The following FREM2 variants were observed in gnomAD, a reference collection of about 807,000 sequenced individuals.
FREM2 encodes FRAS1 related extracellular matrix 2.
A neutral mutation model predicts 219.9 loss-of-function variants in FREM2; 119 were observed. The ratio of observed to expected loss-of-function variants is 0.54; its 90% CI spans 0.47 to 0.63. The LOEUF is 0.63. Among genes scored for constraint, FREM2 ranks in the 30% least tolerant of loss-of-function variants. The pLI is 0.00. For missense variants in FREM2, 4,030 were observed against 3,993.6 expected, an observed-to-expected ratio of 1.01 and a Z score of -0.25; for synonymous variants, 1,562 against 1,522.8, an observed-to-expected ratio of 1.03 and a Z score of -0.60.
intron 2 of FREM2, among the ~76,000 whole-genome samples, chr13:38,740,559 T>A (rs888069949): frequency 3.3e-5 from 5 of 152,200 alleles, no homozygotes; most frequent in Admixed American, 2.6e-4. Context: ...CAAAGGAAAT[T>A]ATTTGCAATC....
intron 10 of FREM2, 40 bp from the exon 11 acceptor site, chr13:38,851,646 T>C (rs757207872): frequency 8.4e-5 from 118 of 1,413,066 alleles, no homozygotes; most frequent in Non-Finnish European, 1.2e-4. Context: ...GCATTCCCCT[T>C]ACTAACAATT....
intron 6 of FREM2, among the ~76,000 whole-genome samples, chr13:38,825,476 A>G (rs1405435695): frequency 6.6e-6 from 1 of 152,152 alleles, no homozygotes; most frequent in African/African-American, 2.4e-5. Context: ...AATATCAAAC[A>G]TCTAAGAACA....
At chr13:38,780,067 A>C (rs1408292348) in intron 4 of FREM2, among the ~76,000 whole-genome samples, 1 of 152,170 alleles carries the variant, frequency 6.6e-6, no homozygotes, top group Non-Finnish European at 1.5e-5. Context: ...GTGGCTCTAC[A>C]TACCATCAAC....
At chr13:38,763,342 AT>A (rs138227046) in intron 2 of FREM2, among the ~76,000 whole-genome samples, 3,835 of 145,548 alleles carry the variant, frequency 0.026, 193 homozygotes, top group African/African-American at 0.092. Flanking sequence ...CCTTGTGTAG[AT>A]TTTTTTTTTG....
Position 38,689,900 on chromosome 13 carries a change from G to T in FREM2, c.2556G>T (p.Leu852Phe). ...ACCACATCCTGAGTGAGACAGAGTT[G>T]CACGTGAATGATGTAGACACTGATG... ...KGHHILSETE[L>F]HVNDVDTDVA... Residue 852 changes from leucine (L) to phenylalanine (F), a missense_variant, in exon 1 of 24, where the codon TTG (leucine) becomes TTT (phenylalanine). Leu to Phe is a conservative substitution (Grantham distance 22). Transcript: ENST00000280481. 1 of 1,614,168 alleles carries T rather than the reference G, an allele frequency of 6.2e-7. No individual in the cohort carries two copies. Among genetic ancestry groups the T allele is most frequent in the Non-Finnish European group, 8.5e-7 (1 of 1,180,044 alleles).
At position 38,690,536 on chromosome 13, in the gene FREM2, C is replaced by A. The variant is rs1314407043; in HGVS notation, c.3192C>A (p.Ser1064Arg). 6.2e-6 allele frequency: 10 copies of A among 1,613,900 alleles called. No individual in the cohort carries two copies. The highest frequency in any genetic ancestry group is 7.6e-6 in the Non-Finnish European group (9 of 1,179,916). ...GGGTGACCATCCTGCCTGTTGATAG[C>A]CAGGCCCCAGAAATCTTTGTAGGTG... ...TIWVTILPVD[S>R]QAPEIFVGEQ... The change falls in exon 1 of 24, where the codon AGC (serine) becomes AGA (arginine). Residue 1064 changes from serine to arginine, a missense_variant. By Grantham distance (110) the Ser-to-Arg change is moderately radical. Coordinates refer to ENST00000280481, the MANE Select transcript of FREM2 (RefSeq NM_207361.6).
At chr13:38,793,734 C>T (rs542820210) in intron 6 of FREM2, among the ~76,000 whole-genome samples, 2 of 152,178 alleles carry the variant, frequency 1.3e-5, no homozygotes, top group South Asian at 4.1e-4. Flanking sequence ...CACAGGTGAT[C>T]GGTGACAGTG....
At chr13:38,718,015 G>C (rs1345053598) in intron 2 of FREM2, among the ~76,000 whole-genome samples, 5 of 152,142 alleles carry the variant, frequency 3.3e-5, no homozygotes, top group Non-Finnish European at 7.4e-5. Flanking sequence ...TAACCAACCA[G>C]AAAGAATCAC....
At chr13:38,724,716 G>A (rs1025693725) in intron 2 of FREM2, among the ~76,000 whole-genome samples, 1 of 152,146 alleles carries the variant, frequency 6.6e-6, no homozygotes, top group Non-Finnish European at 1.5e-5. Context: ...CTGTTTCTTT[G>A]TTTGGCTCAA....
intron 6 of FREM2, among the ~76,000 whole-genome samples, chr13:38,807,902 C>T (rs184988087): frequency 2.6e-5 from 4 of 152,030 alleles, no homozygotes; most frequent in Non-Finnish European, 4.4e-5. Flanking sequence ...TCAGGCTTTC[C>T]GTTGAAGCTT....
chr13:38,823,453 G>A (rs7316966), intron 6 of FREM2, among the ~76,000 whole-genome samples: 23,538 of 151,698 alleles, frequency 0.16, 2,509 homozygotes, highest in East Asian at 0.33. Context: ...GTCCTGCATG[G>A]CCTGGCCATG....
At chr13:38,862,507 T>C (rs1021579498) in intron 15 of FREM2, among the ~76,000 whole-genome samples, 1 of 152,194 alleles carries the variant, frequency 6.6e-6, no homozygotes, top group Non-Finnish European at 1.5e-5. Context: ...CTGCCACTCC[T>C]AGGGCTTGGC....
At chr13:38,761,031 T>C (rs1359695294) in intron 2 of FREM2, among the ~76,000 whole-genome samples, 2 of 152,100 alleles carry the variant, frequency 1.3e-5, no homozygotes, top group African/African-American at 2.4e-5. Flanking sequence ...TTCTGGAATA[T>C]CTCAGGAAAG....
chr13:38,704,802 C>T (rs78089148), intron 2 of FREM2, among the ~76,000 whole-genome samples: 16 of 152,272 alleles, frequency 1.1e-4, no homozygotes, highest in African/African-American at 3.6e-4. Flanking sequence ...AGGAAACTTA[C>T]AATCACAGCA....
At chr13:38,849,634 T>C (rs980389487) in intron 8 of FREM2, among the ~76,000 whole-genome samples, 1 of 152,068 alleles carries the variant, frequency 6.6e-6, no homozygotes, top group African/African-American at 2.4e-5. Context: ...CACCTAAAAA[T>C]CACACACACC....
At chr13:38,825,486 A>G (rs1876246775) in intron 6 of FREM2, among the ~76,000 whole-genome samples, 1 of 152,122 alleles carries the variant, frequency 6.6e-6, no homozygotes, top group Admixed American at 6.6e-5. Flanking sequence ...ATCTAAGAAC[A>G]AAACATGTGC....
chr13:38,724,178 G>A (rs557355966), intron 2 of FREM2, among the ~76,000 whole-genome samples: 155 of 152,262 alleles, frequency 1.0e-3, no homozygotes, highest in African/African-American at 3.5e-3. Context: ...GGATGGCAAC[G>A]TACATTGGTA....
chr13:38,764,843 C>G (rs1873371166), intron 3 of FREM2, among the ~76,000 whole-genome samples: 1 of 152,182 alleles, frequency 6.6e-6, no homozygotes, highest in African/African-American at 2.4e-5. Context: ...TGCTTTACTT[C>G]GTTTAAATAA....
chr13:38,811,426 G>A (rs1875470927), intron 6 of FREM2, among the ~76,000 whole-genome samples: 1 of 151,926 alleles, frequency 6.6e-6, no homozygotes, highest in South Asian at 2.1e-4. Context: ...GTTTTTTGAT[G>A]TAAGCATTTA....
Sources: allele counts gnomAD v4.1 joint callset (sites outside exome capture counted in the v4.1 genomes callset), GRCh38; gene constraint gnomAD v4.1.1; transcripts MANE v1.5; gene names NCBI Gene and HGNC (gene_info 2026-07-23, HGNC 2026-07-21).